The following LIN28B variants were observed in gnomAD, a reference collection of about 807,000 sequenced individuals.
The protein encoded by LIN28B is protein lin-28 homolog B.
In LIN28B, 5 loss-of-function variants were observed where a neutral mutation model predicts 21.9. The observed-to-expected ratio is 0.23, with a 90% CI of 0.12 to 0.48. LIN28B has a LOEUF of 0.48. Among genes scored for constraint, LIN28B ranks in the 20% least tolerant of loss-of-function variants. The probability of loss-of-function intolerance (pLI) is 0.98; values close to 1 mark genes in which losing one functional copy is unlikely to be tolerated. For missense variants in LIN28B, 245 were observed against 310.5 expected, an observed-to-expected ratio of 0.79 and a Z score of 1.58; for synonymous variants, 109 against 111.3, an observed-to-expected ratio of 0.98 and a Z score of 0.13.
rs528355874 is a variant in LIN28B, at chr6:105,057,797, ATTACT to A, written c.384-20613_384-20609del. On this transcript the variant is annotated intron_variant, in intron 3 of 3. Coordinates refer to ENST00000345080, the MANE Select transcript of LIN28B (RefSeq NM_001004317.4). ...TAAATTATATGTATATAGAGATTAC[ATTACT>A]TTAAGTTTATTTCAGTATAAGAATA... is the stretch of plus-strand genomic sequence containing the variant. Among the ~76,000 whole-genome samples the A allele has an allele frequency of 1.8e-3, 273 of 152,298 alleles. 1 individual carries two copies. The highest frequency in any genetic ancestry group is 6.4e-3 in the African/African-American group (264 of 41,572).
At chr6:104,948,940 CT>C (rs1778188695) in intron 2 of LIN28B, among the ~76,000 whole-genome samples, 1 of 151,760 alleles carries the variant, frequency 6.6e-6, no homozygotes, top group Non-Finnish European at 1.5e-5. Context: ...AGTTAGAGCT[CT>C]TGAATTAAAT....
At chr6:104,982,725 C>T (rs917544576) in intron 2 of LIN28B, among the ~76,000 whole-genome samples, 2 of 152,148 alleles carry the variant, frequency 1.3e-5, no homozygotes, top group African/African-American at 4.8e-5. Context: ...TCAATATTAA[C>T]ACCTTTACTG....
chr6:104,953,759 T>G (rs1778250449), upstream of LIN28B, among the ~76,000 whole-genome samples: 1 of 152,136 alleles, frequency 6.6e-6, no homozygotes, highest in Non-Finnish European at 1.5e-5. Flanking sequence ...AGAGGCGGGT[T>G]GCGATGGCAG....
intron 2 of LIN28B, among the ~76,000 whole-genome samples, chr6:104,989,317 G>A (rs1770411430): frequency 6.6e-6 from 1 of 152,072 alleles, no homozygotes; most frequent in Non-Finnish European, 1.5e-5. Flanking sequence ...CCTCTTGGTT[G>A]AAGTGATTCT....
intron 3 of LIN28B, among the ~76,000 whole-genome samples, chr6:105,073,654 A>G (rs1772372810): frequency 6.6e-6 from 1 of 152,200 alleles, no homozygotes; most frequent in Non-Finnish European, 1.5e-5. Flanking sequence ...TAAAATGTTC[A>G]AGTACTGTGA....
In LIN28B at chr6:105,082,148, T is replaced by G. The variant is rs1772552658; in HGVS notation, c.*3365T>G. 6.5e-6 allele frequency: 1 copy of G among 152,674 alleles called. No individual in the cohort carries two copies. Among genetic ancestry groups the G allele is most frequent in the Non-Finnish European group, 1.5e-5 (1 of 68,052 alleles). The allele number at this position is 152,674 out of a possible 1,614,324, so 9.5% of individuals were successfully genotyped here. On this transcript the variant is annotated 3_prime_UTR_variant, in exon 4 of 4. Transcript: ENST00000345080. ...TTATACTTGGGTTTCTAGTCTTCAC[T>G]AGAAGGCCTTGGATGTATTTTTGCA... is the stretch of plus-strand genomic sequence containing the variant.
At chr6:104,971,516 G>A (rs1194223125) in intron 2 of LIN28B, among the ~76,000 whole-genome samples, 2 of 152,082 alleles carry the variant, frequency 1.3e-5, no homozygotes, top group Non-Finnish European at 2.9e-5. Context: ...GTGTTTTGTG[G>A]TAAGTTTATT....
chr6:105,045,710 AC>A (rs1771746120), intron 3 of LIN28B: 1 of 152,176 alleles, frequency 6.6e-6, no homozygotes, highest in South Asian at 2.1e-4. Context: ...ATCTGTACAC[AC>A]TTAGACAATG....
intron 2 of LIN28B, among the ~76,000 whole-genome samples, chr6:104,992,195 G>T (rs1434662693): frequency 6.6e-6 from 1 of 151,968 alleles, no homozygotes; most frequent in Non-Finnish European, 1.5e-5. Flanking sequence ...CAAGTAGCTG[G>T]GATTACAGGC....
At position 104,957,907 on chromosome 6, in the gene LIN28B, T is replaced by TC. The variant is rs918185300; in HGVS notation, c.11-187dup. 6.2e-4 allele frequency among the ~76,000 whole-genome samples: 94 copies of TC among 151,934 alleles called. 1 individual carries two copies. The highest frequency in any genetic ancestry group is 2.1e-3 in the African/African-American group (89 of 41,436). On this transcript the variant is annotated intron_variant, in intron 1 of 3. Coordinates refer to ENST00000345080, the MANE Select transcript of LIN28B (RefSeq NM_001004317.4). The stretch of plus-strand genomic sequence containing the variant: ...TCGATAGAACAGTGTGGCTTCCCCC[T>TC]CCCCCGCTTTCCTTTTAACCCTTTT...
intron 2 of LIN28B, among the ~76,000 whole-genome samples, chr6:104,948,047 C>G (rs983106870): frequency 2.6e-5 from 4 of 152,002 alleles, no homozygotes; most frequent in Non-Finnish European, 5.9e-5. Context: ...AAGTAGAGAT[C>G]TAAATGATGA....
At chr6:105,054,967 G>GT (rs977664903) in intron 3 of LIN28B, among the ~76,000 whole-genome samples, 7 of 151,486 alleles carry the variant, frequency 4.6e-5, no homozygotes, top group African/African-American at 1.7e-4. Context: ...AATTGAAAGG[G>GT]TTTTTTTTAA....
intron 2 of LIN28B, among the ~76,000 whole-genome samples, chr6:104,942,348 ATTTAC>A (rs1424687354): frequency 8.5e-5 from 13 of 152,076 alleles, no homozygotes; most frequent in African/African-American, 7.2e-5. Flanking sequence ...TTATTACCAT[ATTTAC>A]TTAGATAATG....
At chr6:105,044,632 G>C (rs1771708124) in intron 3 of LIN28B, among the ~76,000 whole-genome samples, 1 of 152,060 alleles carries the variant, frequency 6.6e-6, no homozygotes, top group Non-Finnish European at 1.5e-5. Flanking sequence ...ACTTCATATG[G>C]CTTGATCTAA....
At chr6:105,075,246 A>C (rs1393916878) in intron 3 of LIN28B, among the ~76,000 whole-genome samples, 1 of 152,238 alleles carries the variant, frequency 6.6e-6, no homozygotes, top group Non-Finnish European at 1.5e-5. Flanking sequence ...ACAATGTAAA[A>C]TTCATTCCAA....
intron 3 of LIN28B, among the ~76,000 whole-genome samples, chr6:105,069,316 A>T (rs976408473): frequency 6.6e-6 from 1 of 152,240 alleles, no homozygotes; most frequent in Admixed American, 6.5e-5. Context: ...TGCTGTTCAA[A>T]ATTATTTTAG....
chr6:104,952,866 C>G (rs1778235763), upstream of LIN28B, among the ~76,000 whole-genome samples: 1 of 152,090 alleles, frequency 6.6e-6, no homozygotes, highest in Non-Finnish European at 1.5e-5. Context: ...TAACGTTGGA[C>G]CAATTGTGTG....
chr6:105,020,689 C>G (rs899221039), intron 2 of LIN28B, among the ~76,000 whole-genome samples: 1 of 151,182 alleles, frequency 6.6e-6, no homozygotes, highest in South Asian at 2.1e-4. Context: ...GAATTCTCAT[C>G]ATCCACCTCC....
rs112660968 is a variant in LIN28B, at chr6:104,958,308, C to G, written c.198+22C>G. 3.4e-5 allele frequency: 52 copies of G among 1,532,954 alleles called. No individual in the cohort carries two copies. The African/African-American group carries it at 4.1e-4, about 12-fold the overall frequency. 95.0% of individuals were successfully genotyped at this position (1,532,954 alleles called of 1,614,324 possible). A position where few individuals can be genotyped will look rare whatever the true frequency, so the allele number is the denominator to read the frequency against. Reference sequence around the variant, plus strand: ...CCAAGTAAGCCAAACTTTTTTGTCCCCCTCTTCATCTTTTTCCATGTGGAG... The same window carrying G: ...CCAAGTAAGCCAAACTTTTTTGTCCGCCTCTTCATCTTTTTCCATGTGGAG... On this transcript the variant is annotated intron_variant, in intron 2 of 3. Transcript: ENST00000345080.
Sources: gnomAD v4.1 joint callset for allele counts (sites outside exome capture counted in the v4.1 genomes callset) on GRCh38, gnomAD v4.1.1 for gene constraint, MANE v1.5 for transcripts, NCBI Gene and HGNC (gene_info 2026-07-23, HGNC 2026-07-21) for gene names.